Variants in GPC5 observed in about 807,000 individuals in gnomAD.
GPC5 encodes glypican 5.
A neutral mutation model predicts 53.9 loss-of-function variants in GPC5; 47 were observed. The observed-to-expected ratio is 0.87, with a 90% CI of 0.69 to 1.11. The LOEUF is 1.11. GPC5 is among the 50% of genes most tolerant of loss of function. The pLI is 0.00. For synonymous variants in GPC5, 286 were observed against 263.3 expected, an observed-to-expected ratio of 1.09 and a Z score of -0.84; for missense variants, 748 against 713.1, an observed-to-expected ratio of 1.05 and a Z score of -0.56.
intron 6 of GPC5, among the ~76,000 whole-genome samples, chr13:92,086,601 C>CT (rs1484805921): frequency 6.6e-6 from 1 of 151,880 alleles, no homozygotes; most frequent in Middle Eastern, 3.2e-3. Flanking sequence ...CTGTAGAACA[C>CT]TTTTTTCTTC....
intron 7 of GPC5, among the ~76,000 whole-genome samples, chr13:92,583,694 G>T (rs2139056623): frequency 6.6e-6 from 1 of 152,302 alleles, no homozygotes; most frequent in African/African-American, 2.4e-5. Context: ...CTATCCAGAA[G>T]AATAAGTTCT....
chr13:92,424,983 C>A (rs1256352263), intron 7 of GPC5, among the ~76,000 whole-genome samples: 1 of 152,062 alleles, frequency 6.6e-6, no homozygotes, highest in Non-Finnish European at 1.5e-5. Context: ...GACATCTTCT[C>A]ATGCTTAACA....
At chr13:92,385,794 C>CGT (rs1874683868) in intron 7 of GPC5, among the ~76,000 whole-genome samples, 3 of 99,456 alleles carry the variant, frequency 3.0e-5, no homozygotes, top group African/African-American at 1.2e-4. Context: ...TATATATATA[C>CGT]ATATATACGT....
intron 2 of GPC5, among the ~76,000 whole-genome samples, chr13:91,621,759 C>T (rs2033861816): frequency 9.3e-6 from 1 of 107,396 alleles, no homozygotes. Context: ...AGGGACAGAA[C>T]ATTATATATA....
rs149940026 is a variant in GPC5 at position 91,428,749 on chromosome 13, A to T, written c.164-20012A>T. On this transcript the variant is annotated intron_variant, in intron 1 of 7. Transcript: ENST00000377067. ...TTGAAAGGAATTTTTTTTTTTGTTA[A>T]TGTGAAGTTTTAAGTGATTCTAAGG... 5.6e-3 allele frequency among the ~76,000 whole-genome samples: 845 copies of T among 151,598 alleles called. 12 individuals are homozygous for T. Among genetic ancestry groups the T allele is most frequent in the African/African-American group, 0.02 (817 of 41,396 alleles).
At chr13:92,810,525 A>T (rs1358956920) in intron 7 of GPC5, among the ~76,000 whole-genome samples, 3 of 151,776 alleles carry the variant, frequency 2.0e-5, no homozygotes, top group Non-Finnish European at 4.4e-5. Flanking sequence ...TATCACCATC[A>T]CCTCTCTAGT....
intron 2 of GPC5, among the ~76,000 whole-genome samples, chr13:91,649,923 T>C (rs186021384): frequency 1.3e-5 from 2 of 152,208 alleles, no homozygotes; most frequent in South Asian, 4.1e-4. Context: ...TAGATTTTTT[T>C]AAAAATTTAT....
intron 7 of GPC5, among the ~76,000 whole-genome samples, chr13:92,502,139 A>G (rs1880208221): frequency 6.6e-6 from 1 of 152,112 alleles, no homozygotes. Flanking sequence ...AATTCTGAAT[A>G]GAGTGAGAAA....
intron 6 of GPC5, among the ~76,000 whole-genome samples, chr13:91,989,979 G>C (rs928110723): frequency 5.3e-5 from 8 of 152,064 alleles, no homozygotes; most frequent in African/African-American, 1.9e-4. Flanking sequence ...GACACATAAA[G>C]TTAAAACCTG....
At chr13:91,651,121 G>A (rs1205122902) in intron 2 of GPC5, among the ~76,000 whole-genome samples, 2 of 152,058 alleles carry the variant, frequency 1.3e-5, no homozygotes, top group Non-Finnish European at 2.9e-5. Context: ...TCATCCAACA[G>A]TTATGAATTT....
chr13:92,752,133 C>T (rs1013344204), intron 7 of GPC5, among the ~76,000 whole-genome samples: 27 of 151,198 alleles, frequency 1.8e-4, no homozygotes, highest in East Asian at 1.6e-3. Flanking sequence ...ACTGACATTT[C>T]GAAACAAATA....
intron 2 of GPC5, among the ~76,000 whole-genome samples, chr13:91,521,729 G>T (rs1885827704): frequency 6.6e-6 from 1 of 152,176 alleles, no homozygotes; most frequent in African/African-American, 2.4e-5. Context: ...CACCAGTTGG[G>T]TGTCTTCTGA....
intron 7 of GPC5, among the ~76,000 whole-genome samples, chr13:92,225,475 CA>C (rs1028961931): frequency 1.3e-5 from 2 of 152,118 alleles, no homozygotes; most frequent in African/African-American, 4.8e-5. Context: ...AGGAGCTATA[CA>C]AAAACTTAGA....
intron 7 of GPC5, among the ~76,000 whole-genome samples, chr13:92,579,188 G>A (rs537929496): frequency 2.6e-5 from 4 of 151,500 alleles, no homozygotes; most frequent in Admixed American, 6.6e-5. Context: ...AGGTAGAAGG[G>A]CCGTCCTCCC....
At chr13:92,552,315 T>C (rs1882344657) in intron 7 of GPC5, among the ~76,000 whole-genome samples, 2 of 151,592 alleles carry the variant, frequency 1.3e-5, no homozygotes, top group Non-Finnish European at 3.0e-5. Flanking sequence ...CAGAGAGAGG[T>C]CACAAAATAA....
intron 7 of GPC5, among the ~76,000 whole-genome samples, chr13:92,662,029 T>C (rs571864993): frequency 6.6e-6 from 1 of 152,304 alleles, no homozygotes; most frequent in East Asian, 1.9e-4. Context: ...ATCTGTCATG[T>C]CTTCCAAGAT....
intron 2 of GPC5, among the ~76,000 whole-genome samples, chr13:91,573,465 G>A (rs1196876779): frequency 1.3e-5 from 2 of 152,094 alleles, no homozygotes; most frequent in African/African-American, 4.8e-5. Flanking sequence ...GTATTACAAA[G>A]TAATGAAGCT....
At chr13:91,742,995 G>A (rs937647422) in intron 4 of GPC5, among the ~76,000 whole-genome samples, 11 of 152,060 alleles carry the variant, frequency 7.2e-5, no homozygotes, top group East Asian at 1.9e-4. Context: ...GCGCTTTGCC[G>A]AAGAGCTAGA....
At chr13:91,806,383 C>T (rs1018935539) in intron 5 of GPC5, among the ~76,000 whole-genome samples, 2 of 151,378 alleles carry the variant, frequency 1.3e-5, no homozygotes, top group African/African-American at 4.8e-5. Context: ...CATAGAATAG[C>T]AGAATTTATT....
Sources: gnomAD v4.1 joint callset for allele counts (sites outside exome capture counted in the v4.1 genomes callset) on GRCh38, gnomAD v4.1.1 for gene constraint, MANE v1.5 for transcripts, NCBI Gene and HGNC (gene_info 2026-07-23, HGNC 2026-07-21) for gene names.